Variants in PLXNA4 observed in about 807,000 individuals in gnomAD.
PLXNA4 encodes plexin A4.
A neutral mutation model predicts 191.8 loss-of-function variants in PLXNA4; 44 were observed. That is an observed-to-expected ratio of 0.23 (90% confidence interval 0.18 to 0.29). PLXNA4 has a LOEUF of 0.29. Among genes scored for constraint, PLXNA4 ranks in the 10% least tolerant of loss-of-function variants. The probability of loss-of-function intolerance (pLI) is 1.00; values close to 1 mark genes in which losing one functional copy is unlikely to be tolerated. For synonymous variants in PLXNA4, 1,082 were observed against 1,009.5 expected, an observed-to-expected ratio of 1.07 and a Z score of -1.36; for missense variants, 1,800 against 2,488.8, an observed-to-expected ratio of 0.72 and a Z score of 5.89.
At chr7:132,257,679 C>G (rs1267931888) in intron 4 of PLXNA4, among the ~76,000 whole-genome samples, 1 of 152,232 alleles carries the variant, frequency 6.6e-6, no homozygotes, top group Non-Finnish European at 1.5e-5. Flanking sequence ...TTAGGACAAC[C>G]TGACCTTCAC....
In PLXNA4 at chr7:132,605,131, T is replaced by C. The variant is rs139118934; in HGVS notation, c.-87+40797A>G. ...TTCTCACAACTTACGAGATTGGCAC[T>C]GTTCTTATCCACATTTTATTGATGA... On this transcript the variant is annotated intron_variant, in intron 2 of 4. Transcript: ENST00000378539. Among the ~76,000 whole-genome samples the C allele has an allele frequency of 2.4e-3, 360 of 152,334 alleles. 3 individuals carry two copies. Among genetic ancestry groups the C allele is most frequent in the African/African-American group, 8.3e-3 (344 of 41,564 alleles).
chr7:132,312,522 C>T (rs6960729), intron 3 of PLXNA4, among the ~76,000 whole-genome samples: 1 of 152,266 alleles, frequency 6.6e-6, no homozygotes, highest in South Asian at 2.1e-4. Flanking sequence ...ATATAATATG[C>T]TAATGGTATA....
In PLXNA4 at chr7:132,210,927, G is replaced by C. The variant is rs1465533474; in HGVS notation, c.2298+16C>G. ...CTGGGGCCTGGTTTGGCAGTGGGCAGGGTTGGGCGACTCACAGAGGTGTTC... is the reference window on the plus strand; with the variant it reads ...CTGGGGCCTGGTTTGGCAGTGGGCACGGTTGGGCGACTCACAGAGGTGTTC... On this transcript the variant is annotated intron_variant, in intron 10 of 31. Coordinates refer to ENST00000321063, the MANE Select transcript of PLXNA4 (RefSeq NM_020911.2). The C allele has an allele frequency of 2.5e-6, 4 of 1,607,450 alleles. No homozygotes were observed. The South Asian group carries it at 3.3e-5, about 13-fold the overall frequency.
At chr7:132,474,470 C>T (rs139740085) in intron 3 of PLXNA4, among the ~76,000 whole-genome samples, 1,628 of 152,250 alleles carry the variant, frequency 0.011, 19 homozygotes, top group Middle Eastern at 0.051. Context: ...CCCGCCCATC[C>T]TGCTTTCCAT....
At chr7:132,199,846 C>T (rs1411723120) in intron 12 of PLXNA4, among the ~76,000 whole-genome samples, 3 of 152,214 alleles carry the variant, frequency 2.0e-5, no homozygotes, top group Non-Finnish European at 4.4e-5. Flanking sequence ...TACACATCCC[C>T]GTGAGGGTTG....
chr7:132,321,390 T>C (rs936235791), intron 3 of PLXNA4, among the ~76,000 whole-genome samples: 2 of 151,196 alleles, frequency 1.3e-5, no homozygotes, highest in Non-Finnish European at 2.9e-5. Flanking sequence ...TAAATCGTGG[T>C]CCAGTTCCCA....
chr7:132,518,941 G>T (rs964608593), intron 1 of PLXNA4, among the ~76,000 whole-genome samples: 1 of 152,146 alleles, frequency 6.6e-6, no homozygotes, highest in East Asian at 1.9e-4. Context: ...CAGTAGAGTC[G>T]AGCAGGAGCT....
chr7:132,534,573 G>A (rs934171735), intron 1 of PLXNA4, among the ~76,000 whole-genome samples: 2 of 152,190 alleles, frequency 1.3e-5, no homozygotes, highest in Non-Finnish European at 2.9e-5. Flanking sequence ...GGGTGAGGAG[G>A]CACAAAGAGC....
At chr7:132,448,547 G>A (rs908222705) in intron 3 of PLXNA4, among the ~76,000 whole-genome samples, 2 of 152,192 alleles carry the variant, frequency 1.3e-5, no homozygotes, top group East Asian at 1.9e-4. Flanking sequence ...CGAGGTGGAG[G>A]CAAGTCAGGG....
intron 4 of PLXNA4, among the ~76,000 whole-genome samples, chr7:132,248,249 C>A (rs1799128446): frequency 1.3e-5 from 2 of 152,222 alleles, no homozygotes; most frequent in South Asian, 2.1e-4. Context: ...TGAGCCCAAA[C>A]CACAGCCAGG....
At chr7:132,600,902 A>G (rs1439351751) in intron 2 of PLXNA4, among the ~76,000 whole-genome samples, 1 of 152,022 alleles carries the variant, frequency 6.6e-6, no homozygotes, top group African/African-American at 2.4e-5. Flanking sequence ...GGTTATATTA[A>G]TCTTTACTAT....
intron 3 of PLXNA4, among the ~76,000 whole-genome samples, chr7:132,476,482 C>T (rs926136248): frequency 6.6e-6 from 1 of 152,218 alleles, no homozygotes; most frequent in African/African-American, 2.4e-5. Context: ...TTCCTCCACT[C>T]AGGATTCTGA....
At chr7:132,337,949 A>G (rs75452710) in intron 3 of PLXNA4, among the ~76,000 whole-genome samples, 2,009 of 152,236 alleles carry the variant, frequency 0.013, 42 homozygotes, top group African/African-American at 0.046. Context: ...TGTCTGCTCT[A>G]AGTTTTTCCT....
upstream of PLXNA4, among the ~76,000 whole-genome samples, chr7:132,577,694 C>T (rs1485999908): frequency 6.6e-6 from 1 of 152,118 alleles, no homozygotes; most frequent in East Asian, 1.9e-4. Context: ...ACATGGGTGA[C>T]CGGAGCGCAC....
At chr7:132,369,093 C>A (rs529183788) in intron 3 of PLXNA4, among the ~76,000 whole-genome samples, 1 of 152,158 alleles carries the variant, frequency 6.6e-6, no homozygotes, top group Non-Finnish European at 1.5e-5. Flanking sequence ...TGCTCAGAGC[C>A]CAGAGCCTCT....
intron 1 of PLXNA4, among the ~76,000 whole-genome samples, chr7:132,555,741 T>C (rs1419356945): frequency 2.6e-5 from 4 of 151,846 alleles, no homozygotes; most frequent in Non-Finnish European, 5.9e-5. Flanking sequence ...TTAAACAGAG[T>C]GGTATAATGT....
In PLXNA4 at chr7:132,187,464, G is replaced by A; in HGVS notation, c.2993+7C>T. 1 of 1,611,768 alleles carries A rather than the reference G, an allele frequency of 6.2e-7. No homozygotes were observed. The highest frequency in any genetic ancestry group is 8.5e-7 in the Non-Finnish European group (1 of 1,178,652). ...CTGGTGCTGCAGAAAGGGGCCCTCT[G>A]AGTTACCTGTGGAAGAGACAGGGCT... On this transcript the variant is annotated splice_region_variant and intron_variant, in intron 15 of 31. Transcript: ENST00000321063.
intron 3 of PLXNA4, among the ~76,000 whole-genome samples, chr7:132,333,107 C>T (rs112558523): frequency 2.0e-5 from 3 of 152,280 alleles, no homozygotes; most frequent in African/African-American, 4.8e-5. Context: ...AGATGCACTC[C>T]AAAGGACATT....
intron 3 of PLXNA4, among the ~76,000 whole-genome samples, chr7:132,359,899 C>A (rs913824146): frequency 7.9e-5 from 12 of 152,186 alleles, no homozygotes; most frequent in Non-Finnish European, 1.6e-4. Context: ...CCCTTGGGAG[C>A]AGTGACCTAA....
Sources: gnomAD v4.1 joint callset for allele counts (sites outside exome capture counted in the v4.1 genomes callset) on GRCh38, gnomAD v4.1.1 for gene constraint, MANE v1.5 for transcripts, NCBI Gene and HGNC (gene_info 2026-07-23, HGNC 2026-07-21) for gene names.